Variants in PIEZO1 observed in about 807,000 individuals in gnomAD.
PIEZO1 encodes piezo-type mechanosensitive ion channel component 1.
A neutral mutation model predicts 297.2 loss-of-function variants in PIEZO1; 296 were observed. The ratio of observed to expected loss-of-function variants is 1.00; its 90% CI spans 0.91 to 1.10. The LOEUF (loss-of-function observed/expected upper bound fraction) is 1.10, where lower values mean the gene tolerates loss of function less well. PIEZO1 is among the 50% of genes least tolerant of loss of function. PIEZO1 has a pLI of 0.00. For synonymous variants in PIEZO1, 2,427 were observed against 1,507.5 expected (o/e 1.61, Z -14.13); for missense variants, 5,018 against 3,455.5 (o/e 1.45, Z -11.34).
At chr16:88,755,971 C>A (rs1220554962) in intron 1 of PIEZO1, among the ~76,000 whole-genome samples, 2 of 152,248 alleles carry the variant, frequency 1.3e-5, no homozygotes, top group African/African-American at 2.4e-5. Context: ...AGGGCGGGGG[C>A]CACCCAGGAG....
At chr16:88,720,361 G>A (rs1204700843) in intron 41 of PIEZO1, 24 bp downstream of exon 41, 10 of 1,550,154 alleles carry the variant, frequency 6.5e-6, no homozygotes, top group Middle Eastern at 1.7e-4. Context: ...CGTACACTGG[G>A]TTTGGGTCCC....
At chr16:88,719,345 T>C in intron 44 of PIEZO1, 1 of 544,580 alleles carries the variant, frequency 1.8e-6, no homozygotes, top group Non-Finnish European at 3.3e-6. Context: ...CCAGCCTGCC[T>C]GGAACAGGAC....
At chr16:88,759,062 A>C (rs998010905) in intron 1 of PIEZO1, among the ~76,000 whole-genome samples, 1 of 152,226 alleles carries the variant, frequency 6.6e-6, no homozygotes, top group Non-Finnish European at 1.5e-5. Flanking sequence ...TACAAGGGGA[A>C]TGTTTTCATG....
At chr16:88,733,798 C>G (rs1905034365) in intron 17 of PIEZO1, 53 bp from the exon 18 acceptor site, 5 of 1,480,456 alleles carry the variant, frequency 3.4e-6, no homozygotes, top group Non-Finnish European at 4.5e-6. Flanking sequence ...CCCGGGTCCC[C>G]TGTGAGGAAG....
rs533198583 is a variant in PIEZO1, at chr16:88,743,778, G to T, written c.161-1356C>A. On this transcript the variant is annotated intron_variant, in intron 2 of 50. Coordinates refer to ENST00000301015, the MANE Select transcript of PIEZO1 (RefSeq NM_001142864.4). ...CCGCACCACCAGGCAGCCGAGGCAGGTTTGGACCAGCTTCTCACACTCACA... is the reference window on the plus strand; with the variant it reads ...CCGCACCACCAGGCAGCCGAGGCAGTTTTGGACCAGCTTCTCACACTCACA... The T allele has an allele frequency of 5.1e-4, 204 of 397,732 alleles. 1 individual carries two copies. Among genetic ancestry groups the T allele is most frequent in the Non-Finnish European group, 9.0e-4 (177 of 196,870 alleles). The allele number at this position is 397,732 out of a possible 1,614,324, so 24.6% of individuals were successfully genotyped here.
In PIEZO1 at chr16:88,734,488, C is replaced by T. The variant is rs375878215; in HGVS notation, c.2048G>A (p.Ser683Asn). The change falls in exon 16 of 51, where the codon AGC (serine) becomes AAC (asparagine). Residue 683 changes from serine to asparagine, a missense_variant. By Grantham distance (46) the Ser-to-Asn change is conservative (BLOSUM62 1). Coordinates refer to ENST00000301015, the MANE Select transcript of PIEZO1 (RefSeq NM_001142864.4). ...GAGGAAGAAGCCGGGCACCAGGATG[C>T]TGGAGAAGAGCTCGGACACGCTGAA... ...EQFSVSELFS[S>N]ILVPGFFLLA... 2 of 1,549,046 alleles carry T rather than the reference C, an allele frequency of 1.3e-6. No individual in the cohort carries two copies. Among genetic ancestry groups the T allele is most frequent in the Non-Finnish European group, 1.7e-6 (2 of 1,146,364 alleles).
At position 88,735,326 on chromosome 16, in the gene PIEZO1, T is replaced by C. The variant is rs1391560604; in HGVS notation, c.1558-80A>G. 7 of 990,524 alleles carry C rather than the reference T, an allele frequency of 7.1e-6. No homozygotes were observed. The Admixed American group carries it at 1.4e-4, about 20-fold the overall frequency. The allele number at this position is 990,524 out of a possible 1,614,324, so 61.4% of individuals were successfully genotyped here. On this transcript the variant is annotated intron_variant, in intron 12 of 50. Transcript: ENST00000301015. ...AGCCGGGGGACCCAGCACCCTCCTA[T>C]AGCAGGGGGCAAGAGCTCTCAGGCG...
intron 2 of PIEZO1, among the ~76,000 whole-genome samples, chr16:88,748,482 C>T (rs1048128710): frequency 2.3e-5 from 2 of 87,780 alleles, no homozygotes; most frequent in African/African-American, 1.1e-4. Flanking sequence ...CAAGGGGGGT[C>T]TCAGCTCCCC....
At chr16:88,776,261 C>T (rs971855075) in intron 1 of PIEZO1, among the ~76,000 whole-genome samples, 2 of 152,142 alleles carry the variant, frequency 1.3e-5, no homozygotes, top group Non-Finnish European at 2.9e-5. Context: ...GGTGAAACCC[C>T]GTCTCTACTA....
chr16:88,776,294 T>C (rs1907659941), intron 1 of PIEZO1, among the ~76,000 whole-genome samples: 1 of 151,522 alleles, frequency 6.6e-6, no homozygotes, highest in Admixed American at 6.6e-5. Flanking sequence ...ATTAGCGGAG[T>C]GTGGTGGTGG....
chr16:88,722,002 G>C lies in PIEZO1; in HGVS notation c.5020C>G (p.Arg1674Gly). The C allele has an allele frequency of 6.5e-7, 1 of 1,549,098 alleles. No homozygotes were observed. Among genetic ancestry groups the C allele is most frequent in the Non-Finnish European group, 8.7e-7 (1 of 1,146,696 alleles). Residue 1674 changes from arginine to glycine, a missense_variant, in exon 37 of 51, where the codon CGG (arginine) becomes GGG (glycine). By Grantham distance (125) the Arg-to-Gly change is moderately radical (BLOSUM62 -2). Transcript: ENST00000301015. ...CACTGGTACACGGCCCGCAGCAGCC[G>C]CAGCGCCCGGCCCTGCCCCTCCGCA... The part of the protein sequence containing the change: ...LFAEGQGRAL[R>G]LLRAVYQCVA...
intron 1 of PIEZO1, among the ~76,000 whole-genome samples, chr16:88,774,990 C>T (rs573616493): frequency 1.3e-5 from 2 of 152,320 alleles, no homozygotes; most frequent in African/African-American, 4.8e-5. Context: ...GGGAGGCAGG[C>T]TCACTTTGCA....
intron 10 of PIEZO1, 142 bp downstream of exon 10, chr16:88,737,417 G>C: frequency 1.7e-6 from 1 of 601,424 alleles, no homozygotes; most frequent in South Asian, 2.0e-5. Context: ...ACACCGACCC[G>C]TGGATGTCCT....
chr16:88,721,022 G>T (rs1459167745), intron 39 of PIEZO1, 144 bp downstream of exon 39: 2 of 884,634 alleles, frequency 2.3e-6, no homozygotes, highest in Non-Finnish European at 3.3e-6. Context: ...AGAGCCGGGA[G>T]CTGTGGCTCA....
intron 30 of PIEZO1, 46 bp from the exon 31 acceptor site, chr16:88,724,017 TC>T: frequency 8.4e-7 from 1 of 1,191,070 alleles, no homozygotes; most frequent in Non-Finnish European, 1.2e-6. Flanking sequence ...GCAGGGAGAC[TC>T]CCAGCCAGAC....
intron 2 of PIEZO1, chr16:88,744,031 G>A (rs1905874268): frequency 1.0e-5 from 2 of 193,370 alleles, no homozygotes; most frequent in South Asian, 8.3e-5. Flanking sequence ...GAACCCATAG[G>A]TGCCAGGCTT....
At chr16:88,778,090 A>C (rs1220539857) in intron 1 of PIEZO1, among the ~76,000 whole-genome samples, 1 of 152,040 alleles carries the variant, frequency 6.6e-6, no homozygotes, top group Non-Finnish European at 1.5e-5. Flanking sequence ...TTCTAGACAC[A>C]CGGGAGGGAG....
At chr16:88,730,982 T>G (rs546522024) in intron 22 of PIEZO1, among the ~76,000 whole-genome samples, 1 of 152,300 alleles carries the variant, frequency 6.6e-6, no homozygotes, top group South Asian at 2.1e-4. Context: ...GTGGGGCAGG[T>G]GGGACGCCCC....
rs972384691 is a variant in PIEZO1 at position 88,719,950 on chromosome 16, G to C, written c.6175C>G (p.Gln2059Glu). ...TACCAGAGCTGGGCCACCACATTCT[G>C]GTTGAACATCCTGGGGCGGGATGGC... The part of the protein sequence containing the change: ...LPAVTERMFN[Q>E]NVVAQLWYFV... The change falls in exon 43 of 51, where the codon CAG becomes GAG. Residue 2059 changes from glutamine to glutamate, a missense_variant. Gln to Glu is a conservative substitution (Grantham distance 29, BLOSUM62 2). Coordinates refer to ENST00000301015, the MANE Select transcript of PIEZO1 (RefSeq NM_001142864.4). 1.3e-6 allele frequency: 2 copies of C among 1,550,286 alleles called. No individual in the cohort carries two copies. Among genetic ancestry groups the C allele is most frequent in the Admixed American group, 3.9e-5 (2 of 51,006 alleles).
Sources: gnomAD v4.1 joint callset for allele counts (sites outside exome capture counted in the v4.1 genomes callset) on GRCh38, gnomAD v4.1.1 for gene constraint, MANE v1.5 for transcripts, NCBI Gene and HGNC (gene_info 2026-07-23, HGNC 2026-07-21) for gene names.